Variants in SMCO2 observed in about 807,000 individuals in gnomAD.
The protein encoded by SMCO2 is single-pass membrane protein with coiled-coil domains 2.
In SMCO2, 25 loss-of-function variants were observed where a neutral mutation model predicts 29.5. The observed-to-expected ratio is 0.85, with a 90% CI of 0.62 to 1.18. The LOEUF is 1.18. SMCO2 is among the 50% of genes most tolerant of loss of function. The probability of loss-of-function intolerance (pLI) is 0.00; values close to 1 mark genes in which losing one functional copy is unlikely to be tolerated. For missense variants in SMCO2, 348 were observed against 344.5 expected, an observed-to-expected ratio of 1.01 and a Z score of -0.08; for synonymous variants, 117 against 123.3, an observed-to-expected ratio of 0.95 and a Z score of 0.34.
intron 4 of SMCO2, among the ~76,000 whole-genome samples, chr12:27,475,267 C>T (rs879750367): frequency 2.6e-5 from 4 of 152,118 alleles, no homozygotes; most frequent in Admixed American, 2.6e-4. Context: ...GTATACCTCT[C>T]CTCCCCCAGA....
At chr12:27,448,091 T>G in the SMCO2 span, among the ~76,000 whole-genome samples, 1 of 152,214 alleles carries the variant, frequency 6.6e-6, no homozygotes, top group African/African-American at 2.4e-5. Flanking sequence ...ATCAATTAAA[T>G]ACATGTTTTT....
At chr12:27,439,328 A>G in the SMCO2 span, among the ~76,000 whole-genome samples, 2 of 152,242 alleles carry the variant, frequency 1.3e-5, no homozygotes, top group Non-Finnish European at 1.5e-5. Flanking sequence ...TGGGACAGGC[A>G]GTGCTTCAAC....
the SMCO2 span, among the ~76,000 whole-genome samples, chr12:27,440,830 A>G: frequency 6.6e-6 from 1 of 152,180 alleles, no homozygotes; most frequent in Admixed American, 6.5e-5. Flanking sequence ...AAAATATACT[A>G]CTAGAGATAA....
At chr12:27,440,977 G>T in the SMCO2 span, among the ~76,000 whole-genome samples, 1 of 152,190 alleles carries the variant, frequency 6.6e-6, no homozygotes, top group Non-Finnish European at 1.5e-5. Flanking sequence ...GCATAGAGTG[G>T]CTGGGGATGG....
chr12:27,497,662 T>C (rs1725620789), intron 7 of SMCO2: 1 of 151,986 alleles, frequency 6.6e-6, no homozygotes, highest in African/African-American at 2.6e-5. Context: ...CCCAGGGAAG[T>C]CGAGGTTGTG....
At chr12:27,469,337 C>A (rs1840360737) in intron 1 of SMCO2, among the ~76,000 whole-genome samples, 1 of 152,172 alleles carries the variant, frequency 6.6e-6, no homozygotes, top group African/African-American at 2.4e-5. Flanking sequence ...GGTTCTAGTT[C>A]TTTCCTGATG....
At chr12:27,470,484 T>G in intron 1 of SMCO2, 138 bp from the exon 2 acceptor site, 2 of 926,206 alleles carry the variant, frequency 2.2e-6, no homozygotes, top group Non-Finnish European at 1.5e-6. Flanking sequence ...TTGGGGTCCT[T>G]TACGATGAAC....
At chr12:27,464,094 A>G (rs992556411), upstream of SMCO2, among the ~76,000 whole-genome samples, 7 of 152,348 alleles carry the variant, frequency 4.6e-5, no homozygotes, top group Admixed American at 4.6e-4. Flanking sequence ...AATGGAATAG[A>G]ATCCCCAAAA....
At chr12:27,431,261 A>C in the SMCO2 span, among the ~76,000 whole-genome samples, 1 of 152,024 alleles carries the variant, frequency 6.6e-6, no homozygotes, top group Non-Finnish European at 1.5e-5. Context: ...AAGTGATCCG[A>C]CTTCCCAAAG....
exon 8 of SMCO2, chr12:27,502,064 A>G: frequency 1.9e-6 from 3 of 1,547,000 alleles, no homozygotes; most frequent in South Asian, 2.4e-5. Context: ...CATGGGACCT[A>G]CGGGAGATGA....
At chr12:27,448,665 T>C in the SMCO2 span, among the ~76,000 whole-genome samples, 1 of 152,202 alleles carries the variant, frequency 6.6e-6, no homozygotes, top group Non-Finnish European at 1.5e-5. Context: ...AGGGAACCTT[T>C]TATAATGTGG....
the SMCO2 span, among the ~76,000 whole-genome samples, chr12:27,461,434 G>A: frequency 1.6e-4 from 25 of 152,134 alleles, no homozygotes; most frequent in Admixed American, 1.1e-3. Context: ...AGTCCCCAGC[G>A]TCTGTTGTTC....
the SMCO2 span, among the ~76,000 whole-genome samples, chr12:27,438,657 G>T: frequency 1.3e-5 from 2 of 152,104 alleles, no homozygotes; most frequent in Non-Finnish European, 2.9e-5. Flanking sequence ...TCATCTATCT[G>T]TATCAATCCT....
At chr12:27,480,362 C>T (rs1420631490) in intron 4 of SMCO2, among the ~76,000 whole-genome samples, 2 of 152,186 alleles carry the variant, frequency 1.3e-5, no homozygotes, top group South Asian at 2.1e-4. Context: ...AACAATGGCT[C>T]CTCAGGCCCC....
the SMCO2 span, among the ~76,000 whole-genome samples, chr12:27,433,280 A>G: frequency 6.6e-6 from 1 of 152,198 alleles, no homozygotes; most frequent in Non-Finnish European, 1.5e-5. Flanking sequence ...TAACAAAACA[A>G]GAAGGAAAAA....
At chr12:27,456,762 G>A in the SMCO2 span, among the ~76,000 whole-genome samples, 4 of 152,192 alleles carry the variant, frequency 2.6e-5, no homozygotes, top group Non-Finnish European at 4.4e-5. Flanking sequence ...TCTAGAGCAG[G>A]GGTTCCCAAC....
intron 3 of SMCO2, among the ~76,000 whole-genome samples, chr12:27,473,467 A>G (rs1324299111): frequency 2.6e-5 from 4 of 152,194 alleles, no homozygotes; most frequent in East Asian, 1.9e-4. Context: ...ACGATCTTAT[A>G]TCAAGATTCT....
chr12:27,452,471 A>T, the SMCO2 span, among the ~76,000 whole-genome samples: 1 of 152,178 alleles, frequency 6.6e-6, no homozygotes, highest in Non-Finnish European at 1.5e-5. Flanking sequence ...TAGTGCTGCA[A>T]TAAACATATG....
the SMCO2 span, among the ~76,000 whole-genome samples, chr12:27,458,739 T>A: frequency 6.6e-6 from 1 of 151,558 alleles, no homozygotes; most frequent in East Asian, 1.9e-4. Context: ...ATACAAAAAT[T>A]AGCCGGGCAT....
Sources: gnomAD v4.1 joint callset for allele counts (sites outside exome capture counted in the v4.1 genomes callset) on GRCh38, gnomAD v4.1.1 for gene constraint, MANE v1.5 for transcripts, NCBI Gene and HGNC (gene_info 2026-07-23, HGNC 2026-07-21) for gene names.